PARVA: variants seen among roughly 807,000 people sequenced by gnomAD.
The protein encoded by PARVA is alpha-parvin.
Under a neutral mutation model 52.6 loss-of-function variants are expected in PARVA, and 25 were observed. The ratio of observed to expected loss-of-function variants is 0.48; its 90% CI spans 0.35 to 0.66. The LOEUF (loss-of-function observed/expected upper bound fraction) is 0.66, where lower values mean the gene tolerates loss of function less well. Ranked by LOEUF, PARVA falls within the 30% of genes least tolerant of loss-of-function variation. The pLI is 0.01. For synonymous variants in PARVA, 185 were observed against 179.1 expected, an observed-to-expected ratio of 1.03 and a Z score of -0.26; for missense variants, 373 against 450.9, an observed-to-expected ratio of 0.83 and a Z score of 1.56.
intron 1 of PARVA, among the ~76,000 whole-genome samples, chr11:12,446,733 C>T (rs1427259405): frequency 6.6e-6 from 1 of 152,098 alleles, no homozygotes; most frequent in African/African-American, 2.4e-5. Context: ...TAGCCTTGTC[C>T]AATTATAAGG....
intron 1 of PARVA, among the ~76,000 whole-genome samples, chr11:12,423,361 T>G (rs534354201): frequency 1.4e-4 from 21 of 150,694 alleles, no homozygotes; most frequent in Non-Finnish European, 2.2e-4. Context: ...GTTTTTTTTT[T>G]TTTTTTTTTG....
At chr11:12,498,503 T>G (rs1423670100) in intron 5 of PARVA, among the ~76,000 whole-genome samples, 2 of 152,218 alleles carry the variant, frequency 1.3e-5, no homozygotes, top group Admixed American at 1.3e-4. Flanking sequence ...TTTCATTTGT[T>G]TCATTTCACT....
rs927865949 is a variant in PARVA, at chr11:12,533,469, A to AG, written c.*5549dup. On this transcript the variant is annotated 3_prime_UTR_variant, in exon 13 of 13. Transcript: ENST00000334956. ...ACCACATTATATAAAATCTACCAAA[A>AG]GGGGGTCACTTAATGTTTCACAATG... Among the ~76,000 whole-genome samples, 2 of 152,162 alleles carry AG rather than the reference A, an allele frequency of 1.3e-5. No homozygotes were observed. Among genetic ancestry groups the AG allele is most frequent in the Non-Finnish European group, 2.9e-5 (2 of 68,040 alleles).
intron 1 of PARVA, among the ~76,000 whole-genome samples, chr11:12,391,690 G>C (rs547940524): frequency 9.9e-5 from 15 of 152,272 alleles, no homozygotes; most frequent in African/African-American, 3.4e-4. Flanking sequence ...ATTAGCATGT[G>C]TGTGTCATGT....
intron 3 of PARVA, among the ~76,000 whole-genome samples, chr11:12,474,480 A>T (rs1487452582): frequency 1.3e-5 from 2 of 151,896 alleles, no homozygotes; most frequent in Non-Finnish European, 2.9e-5. Context: ...TCCTTTCAAA[A>T]CTGTTCATTT....
At chr11:12,377,516 G>T (rs1196621317), upstream of PARVA, 2 of 1,426,222 alleles carry the variant, frequency 1.4e-6, no homozygotes, top group Non-Finnish European at 1.9e-6. Context: ...AGGCGAGCGT[G>T]AGCTGCCTCA....
chr11:12,515,760 C>G (rs555549694), intron 10 of PARVA, among the ~76,000 whole-genome samples: 102 of 152,284 alleles, frequency 6.7e-4, no homozygotes, highest in African/African-American at 2.4e-3. Context: ...GTCTGCTCTC[C>G]CGTGTCCACC....
Position 12,531,635 on chromosome 11 carries a change from G to A in PARVA, c.*3710G>A, listed in dbSNP as rs1036508861. On this transcript the variant is annotated 3_prime_UTR_variant, in exon 13 of 13. Transcript: ENST00000334956. ...GCTGATCAAAACTAATTTGAGATCC[G>A]CTGCCTTTAATAGAGCTCCACCTCA... Among the ~76,000 whole-genome samples the A allele has an allele frequency of 2.0e-5, 3 of 151,660 alleles. No homozygotes were observed. The highest frequency in any genetic ancestry group is 2.1e-4 in the South Asian group (1 of 4,784).
chr11:12,377,299 G>C, upstream of PARVA: 1 of 660,156 alleles, frequency 1.5e-6, no homozygotes, highest in South Asian at 3.0e-5. Context: ...TGTGTGGTGG[G>C]GACAGAGCCT....
chr11:12,417,905 G>A (rs1940089776), intron 1 of PARVA, among the ~76,000 whole-genome samples: 1 of 152,198 alleles, frequency 6.6e-6, no homozygotes, highest in African/African-American at 2.4e-5. Context: ...TCTGGCCAGG[G>A]AGCACCTCCT....
intron 1 of PARVA, among the ~76,000 whole-genome samples, chr11:12,419,913 G>T (rs1368147714): frequency 6.6e-6 from 1 of 152,074 alleles, no homozygotes; most frequent in Non-Finnish European, 1.5e-5. Context: ...AAATGCTGGC[G>T]GAAACACTTT....
intron 1 of PARVA, among the ~76,000 whole-genome samples, chr11:12,450,438 A>T (rs1032561032): frequency 2.8e-4 from 42 of 152,332 alleles, no homozygotes; most frequent in Admixed American, 1.5e-3. Flanking sequence ...TAACCCCACT[A>T]TTGAGCTCTG....
chr11:12,495,646 T>C (rs1345950675), intron 4 of PARVA, among the ~76,000 whole-genome samples: 1 of 117,322 alleles, frequency 8.5e-6, no homozygotes, highest in South Asian at 2.7e-4. Flanking sequence ...TAAGGTGTTA[T>C]GTCATTGCAT....
At chr11:12,413,541 C>T (rs1279920863) in intron 1 of PARVA, among the ~76,000 whole-genome samples, 1 of 152,284 alleles carries the variant, frequency 6.6e-6, no homozygotes. Flanking sequence ...TCAAAAGATT[C>T]TTGTAGTTTA....
intron 9 of PARVA, 62 bp downstream of exon 9, chr11:12,513,422 C>A (rs1038866486): frequency 2.8e-6 from 4 of 1,441,770 alleles, no homozygotes; most frequent in Non-Finnish European, 3.9e-6. Flanking sequence ...ATTGGGAAAA[C>A]CCATCCCTGC....
rs1435184266 is a variant in PARVA at position 12,533,105 on chromosome 11, C to G, written c.*5180C>G. Among the ~76,000 whole-genome samples the G allele has an allele frequency of 6.6e-6, 1 of 152,206 alleles. No individual in the cohort carries two copies. Among genetic ancestry groups the G allele is most frequent in the African/African-American group, 2.4e-5 (1 of 41,446 alleles). On this transcript the variant is annotated 3_prime_UTR_variant, in exon 13 of 13. Coordinates refer to ENST00000334956, the MANE Select transcript of PARVA (RefSeq NM_018222.5). ...ACCTCTGGGCATCCCATAGCTCCTCCTAACCTGCTGCTGCTGATGGACAGG... is the reference window on the plus strand; with the variant it reads ...ACCTCTGGGCATCCCATAGCTCCTCGTAACCTGCTGCTGCTGATGGACAGG...
chr11:12,466,877 C>T (rs1254248856), intron 1 of PARVA, among the ~76,000 whole-genome samples: 2 of 152,160 alleles, frequency 1.3e-5, no homozygotes, highest in Non-Finnish European at 2.9e-5. Flanking sequence ...CTAGGTCTCT[C>T]GCCTTTTTGT....
intron 10 of PARVA, 54 bp downstream of exon 10, chr11:12,514,119 G>A (rs1317102533): frequency 3.5e-6 from 5 of 1,416,626 alleles, no homozygotes; most frequent in East Asian, 2.3e-5. Context: ...TACAGCCCCT[G>A]TTCCAAGTGG....
intron 4 of PARVA, among the ~76,000 whole-genome samples, chr11:12,486,801 G>A (rs111290566): frequency 3.3e-5 from 5 of 152,232 alleles, no homozygotes; most frequent in South Asian, 2.1e-4. Context: ...AGCTGAGATC[G>A]TACCACTGCA....
Sources: allele counts gnomAD v4.1 joint callset (sites outside exome capture counted in the v4.1 genomes callset), GRCh38; gene constraint gnomAD v4.1.1; transcripts MANE v1.5; gene names NCBI Gene and HGNC (gene_info 2026-07-23, HGNC 2026-07-21).